Variants in APOH observed in about 807,000 individuals in gnomAD.
APOH encodes the protein beta-2-glycoprotein 1.
APOH carries 48 observed loss-of-function variants against 39.8 expected under a neutral mutation model. That is an observed-to-expected ratio of 1.21 (90% CI 0.96 to 1.54). The LOEUF (loss-of-function observed/expected upper bound fraction) is 1.54. APOH is among the 40% of genes most tolerant of loss of function. The pLI, the probability that APOH is intolerant of heterozygous loss-of-function variation, is 0.00. For synonymous variants in APOH, 153 were observed against 151.1 expected (o/e 1.01, Z -0.09); for missense variants, 415 against 421.2 (o/e 0.99, Z 0.13).
intron 2 of APOH, among the ~76,000 whole-genome samples, chr17:66,227,458 C>T (rs1469358543): frequency 6.6e-6 from 1 of 152,068 alleles, no homozygotes; most frequent in African/African-American, 2.4e-5. Context: ...ATCATAGAAC[C>T]ATGTTCTAAG....
At chr17:66,212,796 C>A (rs1417164197) in intron 7 of APOH, among the ~76,000 whole-genome samples, 1 of 152,148 alleles carries the variant, frequency 6.6e-6, no homozygotes, top group Non-Finnish European at 1.5e-5. Context: ...CTGCATCTGT[C>A]CAAAGACCAT....
chr17:66,223,579 C>A, intron 4 of APOH, 119 bp downstream of exon 4: 1 of 853,590 alleles, frequency 1.2e-6, no homozygotes. Context: ...ATATCCCCCA[C>A]AAGGGTGACC....
intron 6 of APOH, 64 bp from the exon 7 acceptor site, chr17:66,214,714 T>C: frequency 6.9e-7 from 1 of 1,442,098 alleles, no homozygotes; most frequent in Non-Finnish European, 9.6e-7. Context: ...AAAGAGAGTA[T>C]AGCATTTGAA....
At chr17:66,219,217 T>C (rs1195046525) in intron 5 of APOH, among the ~76,000 whole-genome samples, 1 of 152,148 alleles carries the variant, frequency 6.6e-6, no homozygotes, top group Non-Finnish European at 1.5e-5. Context: ...TTATTGTTAA[T>C]AATCCAAAAC....
rs774550845 is a variant in APOH, at chr17:66,220,572, T to C, written c.586A>G (p.Lys196Glu). The C allele has an allele frequency of 1.2e-6, 2 of 1,614,134 alleles. No individual in the cohort carries two copies. Among genetic ancestry groups the C allele is most frequent in the Non-Finnish European group, 1.7e-6 (2 of 1,179,948 alleles). ...ITCTTHGNWT[K>E]LPECREVKCP... is the part of the protein sequence containing the mutation. ...CACTTACCCCTGCATTCTGGTAATT[T>C]AGTCCAATTTCCATGTGTCGTGCAG... The change falls in exon 5 of 8, where the codon AAA becomes GAA. Residue 196 changes from lysine (K) to glutamate (E), a missense_variant. By Grantham distance (56) the Lys-to-Glu change is moderately conservative (BLOSUM62 1). Around this residue, in one of 3 missense-constraint regions of APOH, gnomAD observed 288 missense variants for 284.9 expected, o/e 1.01. Coordinates refer to ENST00000205948, the MANE Select transcript of APOH (RefSeq NM_000042.3).
At chr17:66,213,678 C>T (rs2146990239) in intron 7 of APOH, among the ~76,000 whole-genome samples, 1 of 152,294 alleles carries the variant, frequency 6.6e-6, no homozygotes, top group South Asian at 2.1e-4. Flanking sequence ...TAGCTCATGC[C>T]TGTAATCCTG....
Position 66,226,891 on chromosome 17 carries a change from A to ATTTT in APOH, c.242-768_242-767insAAAA, listed in dbSNP as rs1314489486. Among the ~76,000 whole-genome samples, 327 of 96,640 alleles carry ATTTT rather than the reference A, an allele frequency of 3.4e-3. 3 individuals are homozygous for ATTTT. Among genetic ancestry groups the ATTTT allele is most frequent in the African/African-American group, 0.016 (294 of 17,854 alleles). The allele number at this position is 96,640 out of a possible 152,430, so 63.4% of individuals were successfully genotyped here. On this transcript the variant is annotated intron_variant, in intron 2 of 7. Coordinates refer to ENST00000205948, the MANE Select transcript of APOH (RefSeq NM_000042.3). ...TAGCTGATTTTTATTTTATTTATTT[A>ATTTT]TTTATTTTTTTTTTTGAGACAGAGT...
At chr17:66,212,641 A>T (rs2073343016) in intron 7 of APOH, among the ~76,000 whole-genome samples, 1 of 152,194 alleles carries the variant, frequency 6.6e-6, no homozygotes, top group South Asian at 2.1e-4. Context: ...GGCCTCCCAA[A>T]GTGCTGGGAT....
chr17:66,214,393 G>A (rs1310021969), intron 7 of APOH, 60 bp downstream of exon 7: 1 of 1,471,158 alleles, frequency 6.8e-7, no homozygotes, highest in Non-Finnish European at 9.5e-7. Flanking sequence ...TAGAACAAAG[G>A]CTCTGATTAT....
At chr17:66,219,928 CTATT>C (rs964162435) in intron 5 of APOH, among the ~76,000 whole-genome samples, 15 of 152,200 alleles carry the variant, frequency 9.9e-5, no homozygotes, top group Admixed American at 5.9e-4. Context: ...AAAAAACAAA[CTATT>C]TGTGCACATG....
In APOH at chr17:66,216,272, C is replaced by T. The variant is rs147804542; in HGVS notation, c.784+516G>A. Reference sequence around the variant, plus strand: ...CCGAGGCGGGCGGATCACCTGAGGTCAGGAGTTCGAAATTAGCCTGGCCAA... The same window carrying T: ...CCGAGGCGGGCGGATCACCTGAGGTTAGGAGTTCGAAATTAGCCTGGCCAA... On this transcript the variant is annotated intron_variant, in intron 6 of 7. Transcript: ENST00000205948. Among the ~76,000 whole-genome samples, 316 of 151,926 alleles carry T rather than the reference C, an allele frequency of 2.1e-3. 1 individual carries two copies. Among genetic ancestry groups the T allele is most frequent in the African/African-American group, 7.5e-3 (309 of 41,444 alleles).
chr17:66,225,185 T>C (rs1264210230), intron 3 of APOH, among the ~76,000 whole-genome samples: 2 of 152,192 alleles, frequency 1.3e-5, no homozygotes, highest in Non-Finnish European at 2.9e-5. Context: ...TATTTCTCTC[T>C]CACATGTAGT....
chr17:66,217,342 G>T, intron 5 of APOH, among the ~76,000 whole-genome samples: 1 of 113,308 alleles, frequency 8.8e-6, no homozygotes, highest in African/African-American at 3.6e-5. Flanking sequence ...TGCAAAGACT[G>T]AACCCCCCCC....
intron 4 of APOH, among the ~76,000 whole-genome samples, chr17:66,222,720 C>T (rs974177464): frequency 1.3e-5 from 2 of 151,906 alleles, no homozygotes; most frequent in Admixed American, 6.6e-5. Flanking sequence ...TAGAGGCATG[C>T]GCCACCATGC....
intron 5 of APOH, 62 bp from the exon 6 acceptor site, chr17:66,217,029 T>C (rs2073370024): frequency 7.5e-7 from 1 of 1,341,116 alleles, no homozygotes; most frequent in Non-Finnish European, 1.0e-6. Context: ...AGTCATGAAA[T>C]AGTTACATCC....
chr17:66,224,133 G>A (rs1381611213), intron 3 of APOH, among the ~76,000 whole-genome samples: 2 of 152,124 alleles, frequency 1.3e-5, no homozygotes, highest in Non-Finnish European at 2.9e-5. Flanking sequence ...TTTTCTTACA[G>A]CCTACTGACA....
intron 2 of APOH, 31 bp from the exon 3 acceptor site, chr17:66,226,155 T>C (rs2073438195): frequency 1.3e-6 from 2 of 1,493,220 alleles, no homozygotes. Context: ...ATGTTACTTT[T>C]CTTTGGGCTA....
chr17:66,224,115 A>G (rs752791847), intron 3 of APOH, among the ~76,000 whole-genome samples: 1 of 152,214 alleles, frequency 6.6e-6, no homozygotes, highest in Non-Finnish European at 1.5e-5. Context: ...AGTAATCTTC[A>G]TTATTCATTT....
intron 2 of APOH, among the ~76,000 whole-genome samples, chr17:66,226,897 T>TA (rs2073443366): frequency 1.4e-5 from 1 of 70,780 alleles, no homozygotes; most frequent in African/African-American, 6.8e-5. Context: ...ATTTATTTAT[T>TA]TTTTTTTTTG....
Sources: gnomAD v4.1 joint callset for allele counts (sites outside exome capture counted in the v4.1 genomes callset) on GRCh38, gnomAD v4.1.1 for gene constraint, gnomAD v4.1.1 regional missense constraint, MANE v1.5 for transcripts, NCBI Gene and HGNC (gene_info 2026-07-23, HGNC 2026-07-21) for gene names.